The following ABLIM1 variants were observed in gnomAD, a reference collection of about 807,000 sequenced individuals.
ABLIM1 encodes the protein actin-binding LIM protein 1.
ABLIM1 carries 40 observed loss-of-function variants against 107.0 expected under a neutral mutation model. That is an observed-to-expected ratio of 0.37 (90% CI 0.29 to 0.49). The LOEUF is 0.49. Ranked by LOEUF, ABLIM1 falls within the 20% of genes least tolerant of loss-of-function variation. The pLI is 0.97. For missense variants in ABLIM1, 857 were observed against 1,008.5 expected, an observed-to-expected ratio of 0.85 and a Z score of 2.04; for synonymous variants, 357 against 357.3, an observed-to-expected ratio of 1.00 and a Z score of 0.01.
At chr10:114,722,056 G>T (rs1218239432) in intron 1 of ABLIM1, among the ~76,000 whole-genome samples, 1 of 152,106 alleles carries the variant, frequency 6.6e-6, no homozygotes, top group Non-Finnish European at 1.5e-5. Flanking sequence ...CTTAATTAAG[G>T]TTAATGGCTT....
intron 6 of ABLIM1, among the ~76,000 whole-genome samples, chr10:114,537,802 G>GA (rs2066199002): frequency 6.6e-6 from 1 of 152,176 alleles, no homozygotes; most frequent in African/African-American, 2.4e-5. Context: ...TAATTAATTG[G>GA]ATGAAAGCAT....
intron 6 of ABLIM1, among the ~76,000 whole-genome samples, chr10:114,543,848 C>A (rs1003958644): frequency 3.9e-5 from 6 of 152,216 alleles, no homozygotes; most frequent in Non-Finnish European, 8.8e-5. Flanking sequence ...CTCCCTCTTC[C>A]CAGAACCCTC....
In ABLIM1 at chr10:114,515,875, A is replaced by C. The variant is rs144137643; in HGVS notation, c.895-23997T>G. On this transcript the variant is annotated intron_variant, in intron 6 of 22. Transcript: ENST00000533213. ...AAGAGGCCAGAAGCTGGAAGAGGCC[A>C]GGGTAAATCTTCCTCTACCGGCTCA... Among the ~76,000 whole-genome samples, 847 of 152,352 alleles carry C rather than the reference A, an allele frequency of 5.6e-3. 11 individuals are homozygous for C. Among genetic ancestry groups the C allele is most frequent in the African/African-American group, 0.019 (791 of 41,580 alleles).
intron 4 of ABLIM1, among the ~76,000 whole-genome samples, chr10:114,562,968 A>G (rs572032655): frequency 6.6e-6 from 1 of 152,356 alleles, no homozygotes; most frequent in African/African-American, 2.4e-5. Flanking sequence ...GTTCTAATGG[A>G]AATCAAAGCA....
chr10:114,740,786 G>A (rs1212132831), intron 1 of ABLIM1, among the ~76,000 whole-genome samples: 1 of 152,082 alleles, frequency 6.6e-6, no homozygotes, highest in Non-Finnish European at 1.5e-5. Flanking sequence ...GCTCATGCCT[G>A]TAATCCCAGC....
chr10:114,569,389 G>A (rs1177874754), intron 4 of ABLIM1, among the ~76,000 whole-genome samples: 3 of 151,228 alleles, frequency 2.0e-5, no homozygotes, highest in Non-Finnish European at 4.4e-5. Flanking sequence ...GCGCGATCTC[G>A]GCTCACTGCA....
In ABLIM1 at chr10:114,658,250, A is replaced by T; in HGVS notation, c.-50T>A. On this transcript the variant is annotated 5_prime_UTR_variant, in exon 1 of 23. Transcript: ENST00000533213. ...AGAAATGGGGAGTGGGGACCCAAGG[A>T]GCGGTGCTGCCCCACAATTCTCTCT... is the stretch of plus-strand genomic sequence containing the variant. 6.4e-7 allele frequency: 1 copy of T among 1,564,252 alleles called. No individual in the cohort carries two copies. The highest frequency in any genetic ancestry group is 8.7e-7 in the Non-Finnish European group (1 of 1,151,848).
the ABLIM1 span, among the ~76,000 whole-genome samples, chr10:114,795,606 G>A: frequency 6.6e-6 from 1 of 152,046 alleles, no homozygotes; most frequent in Non-Finnish European, 1.5e-5. Context: ...CCACTTGGGA[G>A]GCTGAGGCAG....
At chr10:114,500,753 GAA>G in intron 6 of ABLIM1, among the ~76,000 whole-genome samples, 1 of 130,008 alleles carries the variant, frequency 7.7e-6, no homozygotes, top group African/African-American at 2.9e-5. Context: ...GAAGGGAAGG[GAA>G]GGGAAGGGAA....
rs1413535860 is a variant in ABLIM1, at chr10:114,441,020, G to A, written c.2056C>T (p.Arg686Ter). 1.9e-6 allele frequency: 3 copies of A among 1,587,214 alleles called. No homozygotes were observed. Among genetic ancestry groups the A allele is most frequent in the Non-Finnish European group, 2.6e-6 (3 of 1,165,518 alleles). ...AGCCTGGCCATGGGAGCCTCACCTCGCACTCCCCCGCTGACATCCCCATAG... is the reference window on the plus strand; with the variant it reads ...AGCCTGGCCATGGGAGCCTCACCTCACACTCCCCCGCTGACATCCCCATAG... ...NSYGDVSGGVRDYQTLPDGHM... is the reference protein window; with the variant it reads ...NSYGDVSGGV Residue 686 changes from arginine (R) to a stop codon, truncating the protein, a stop_gained, in exon 19 of 23, where the codon CGA becomes TGA. Coordinates refer to ENST00000533213, the MANE Select transcript of ABLIM1 (RefSeq NM_002313.7). LOFTEE classifies it high-confidence loss of function.
At chr10:114,631,271 C>T (rs1336202056) in intron 1 of ABLIM1, among the ~76,000 whole-genome samples, 1 of 152,226 alleles carries the variant, frequency 6.6e-6, no homozygotes, top group Non-Finnish European at 1.5e-5. Flanking sequence ...ATGATGTACA[C>T]CTGTTCAGGC....
intron 4 of ABLIM1, among the ~76,000 whole-genome samples, chr10:114,561,118 A>C (rs2069635503): frequency 6.6e-6 from 1 of 152,252 alleles, no homozygotes; most frequent in South Asian, 2.1e-4. Context: ...ATGTAGGTGT[A>C]AACTTTAACC....
rs41284348 is a variant in ABLIM1, at chr10:114,485,422, T to A, written c.1041+2536A>T. ...GAAAAGGGAAGAACGAACACAGAAA[T>A]AGCCTCAAATCAGAAGAATTATTTT... On this transcript the variant is annotated intron_variant, in intron 8 of 22. Transcript: ENST00000533213. 7.4e-4 allele frequency: 1,121 copies of A among 1,515,940 alleles called. 1 individual carries two copies. Among genetic ancestry groups the A allele is most frequent in the Non-Finnish European group, 9.8e-4 (1,088 of 1,106,438 alleles). 93.9% of individuals were successfully genotyped at this position (1,515,940 alleles called of 1,614,324 possible).
intron 19 of ABLIM1, 121 bp downstream of exon 19, chr10:114,440,896 C>G: frequency 1.0e-6 from 1 of 982,716 alleles, no homozygotes; most frequent in South Asian, 1.4e-5. Flanking sequence ...TCACAGAAGA[C>G]AGATGTGATC....
At chr10:114,765,010 C>T (rs2082853786) in intron 1 of ABLIM1, 1 of 152,452 alleles carries the variant, frequency 6.6e-6, no homozygotes, top group African/African-American at 2.4e-5. Flanking sequence ...GCCCCAGCCC[C>T]TGTCTCCATT....
rs138647746 is a variant in ABLIM1, at chr10:114,681,245, G to C, written c.64+3045C>G. Among the ~76,000 whole-genome samples, 487 of 152,172 alleles carry C rather than the reference G, an allele frequency of 3.2e-3. 4 individuals are homozygous for C. The highest frequency in any genetic ancestry group is 0.011 in the African/African-American group (465 of 41,520). ...AGTTTTGCTCTTTTTGCCCAGGCTT[G>C]AGTGCAGTGGCACGATCTCAGCTCA... On this transcript the variant is annotated intron_variant, in intron 1 of 23. Transcript: ENST00000369256.
intron 1 of ABLIM1, among the ~76,000 whole-genome samples, chr10:114,606,318 C>T (rs886223932): frequency 4.6e-5 from 7 of 152,094 alleles, no homozygotes; most frequent in African/African-American, 1.7e-4. Context: ...TCACTGCAAC[C>T]TCTGCCTCCT....
At chr10:114,480,540 G>A (rs908638138) in intron 8 of ABLIM1, among the ~76,000 whole-genome samples, 12 of 152,172 alleles carry the variant, frequency 7.9e-5, no homozygotes, top group Non-Finnish European at 1.6e-4. Flanking sequence ...GCTATCTTTG[G>A]CATCTTCTGA....
chr10:114,737,087 G>A (rs1004719402), intron 1 of ABLIM1, among the ~76,000 whole-genome samples: 8 of 152,138 alleles, frequency 5.3e-5, no homozygotes, highest in African/African-American at 1.9e-4. Context: ...TACTCAAAAG[G>A]CTGAGGCAGG....
Sources: gnomAD v4.1 joint callset for allele counts (sites outside exome capture counted in the v4.1 genomes callset) on GRCh38, gnomAD v4.1.1 for gene constraint, MANE v1.5 for transcripts, NCBI Gene and HGNC (gene_info 2026-07-23, HGNC 2026-07-21) for gene names.